SWT1: variants seen among roughly 807,000 people sequenced by gnomAD.
SWT1 encodes transcriptional protein SWT1.
Under a neutral mutation model 107.3 loss-of-function variants are expected in SWT1, and 33 were observed. The observed-to-expected ratio is 0.31, with a 90% CI of 0.23 to 0.41. The LOEUF (loss-of-function observed/expected upper bound fraction) is 0.41, where lower values mean the gene tolerates loss of function less well. SWT1 is among the 10% of genes least tolerant of loss of function. SWT1 has a pLI of 1.00. For synonymous variants in SWT1, 345 were observed against 348.3 expected, an observed-to-expected ratio of 0.99 and a Z score of 0.11; for missense variants, 898 against 1,028.9, an observed-to-expected ratio of 0.87 and a Z score of 1.74.
intron 16 of SWT1, among the ~76,000 whole-genome samples, chr1:185,236,450 C>G (rs1040900088): frequency 1.3e-5 from 2 of 152,010 alleles, no homozygotes; most frequent in Non-Finnish European, 1.5e-5. Context: ...ACAAACCTGA[C>G]AAAAACAAGC....
intron 12 of SWT1, 144 bp downstream of exon 12, chr1:185,205,007 G>A (rs1658216786): frequency 1.9e-6 from 1 of 529,254 alleles, no homozygotes; most frequent in Admixed American, 4.2e-5. Flanking sequence ...TTTTGAAATA[G>A]TTTTTTGACA....
chr1:185,187,910 C>A (rs1656634970), intron 9 of SWT1, among the ~76,000 whole-genome samples: 1 of 152,166 alleles, frequency 6.6e-6, no homozygotes, highest in Non-Finnish European at 1.5e-5. Flanking sequence ...TCAGGCTGGT[C>A]TCGATCTCCT....
chr1:185,275,219 G>T (rs1308686886), intron 17 of SWT1, among the ~76,000 whole-genome samples: 1 of 151,952 alleles, frequency 6.6e-6, no homozygotes, highest in Admixed American at 6.6e-5. Context: ...GCAGTGTGTT[G>T]ACATTTGGTG....
intron 10 of SWT1, among the ~76,000 whole-genome samples, chr1:185,196,596 A>G (rs943656193): frequency 4.6e-5 from 7 of 152,228 alleles, no homozygotes; most frequent in Non-Finnish European, 2.9e-5. Context: ...TTTTCACAAT[A>G]CTGATTCTTC....
intron 14 of SWT1, among the ~76,000 whole-genome samples, chr1:185,220,238 T>C (rs967290620): frequency 6.7e-6 from 1 of 150,352 alleles, no homozygotes; most frequent in Non-Finnish European, 1.5e-5. Flanking sequence ...CTTTTTCTTT[T>C]CTTTCTTTCT....
At chr1:185,186,138 A>G (rs1043117476) in intron 9 of SWT1, among the ~76,000 whole-genome samples, 1 of 152,198 alleles carries the variant, frequency 6.6e-6, no homozygotes, top group Admixed American at 6.5e-5. Context: ...TTGAGTTAAT[A>G]TATTAAACTA....
intron 15 of SWT1, among the ~76,000 whole-genome samples, chr1:185,229,797 A>G (rs1439482243): frequency 6.6e-6 from 1 of 152,084 alleles, no homozygotes; most frequent in Non-Finnish European, 1.5e-5. Flanking sequence ...TTTTTTTTAA[A>G]TGTAAATATT....
At chr1:185,184,977 G>T in intron 9 of SWT1, 46 bp downstream of exon 9, 1 of 1,287,478 alleles carries the variant, frequency 7.8e-7, no homozygotes, top group Non-Finnish European at 1.0e-6. Context: ...TACTTGTTTG[G>T]GTGCAGACTC....
intron 16 of SWT1, among the ~76,000 whole-genome samples, chr1:185,270,598 A>G (rs992502580): frequency 6.6e-6 from 1 of 152,096 alleles, no homozygotes; most frequent in Admixed American, 6.6e-5. Flanking sequence ...AGACCCAGCT[A>G]CTTGGGAGTC....
At chr1:185,257,474 A>G (rs1226884446) in intron 16 of SWT1, among the ~76,000 whole-genome samples, 1 of 152,086 alleles carries the variant, frequency 6.6e-6, no homozygotes, top group Non-Finnish European at 1.5e-5. Flanking sequence ...TGCGGGATAT[A>G]ATCTCGTGGT....
Position 185,206,639 on chromosome 1 carries a change from A to T in SWT1, c.1848A>T (p.Lys616Asn). The change falls in exon 13 of 19, where the codon AAA becomes AAT. Residue 616 changes from lysine (K) to asparagine (N), a missense_variant. Physicochemically the swap from Lys to Asn is moderately conservative, Grantham distance 94. This residue lies in a region of SWT1 where 382 missense variants were observed against 460.0 expected (regional missense o/e 0.83). Transcript: ENST00000367500. ...GNLWMEILYLKPPWTLLHLLQ... is the reference protein window; with the variant it reads ...GNLWMEILYLNPPWTLLHLLQ... ...ATACTCTTTAGATCCTGTACCTGAA[A>T]CCACCATGGACTCTACTACATTTAC... The T allele has an allele frequency of 6.4e-7, 1 of 1,550,916 alleles. No homozygotes were observed. The highest frequency in any genetic ancestry group is 8.7e-7 in the Non-Finnish European group (1 of 1,152,736).
At chr1:185,165,059 T>C (rs1188822561) in intron 2 of SWT1, among the ~76,000 whole-genome samples, 1 of 152,212 alleles carries the variant, frequency 6.6e-6, no homozygotes, top group East Asian at 1.9e-4. Context: ...GGGTCATTAG[T>C]AGGCTTAATT....
chr1:185,244,669 T>G (rs1661479814), intron 16 of SWT1, among the ~76,000 whole-genome samples: 1 of 152,164 alleles, frequency 6.6e-6, no homozygotes, highest in Non-Finnish European at 1.5e-5. Context: ...TCCACTCAAT[T>G]AAAAAATGTT....
rs117829093 is a variant in SWT1, at chr1:185,193,097, G to A, written c.1523+2455G>A. Among the ~76,000 whole-genome samples, 914 of 152,018 alleles carry A rather than the reference G, an allele frequency of 6.0e-3. 34 individuals are homozygous for A. The East Asian group carries it at 0.096, about 16-fold the overall frequency. ...TTTAATATGTTGTGTTTTCATTTTCGTTCTATTCAATATACTTTATAATTT... is the reference window on the plus strand; with the variant it reads ...TTTAATATGTTGTGTTTTCATTTTCATTCTATTCAATATACTTTATAATTT... On this transcript the variant is annotated intron_variant, in intron 10 of 18. Transcript: ENST00000367500.
chr1:185,252,008 T>C (rs1662072554), intron 16 of SWT1, among the ~76,000 whole-genome samples: 2 of 151,476 alleles, frequency 1.3e-5, no homozygotes, highest in South Asian at 4.2e-4. Context: ...TGTGATCTCA[T>C]TGTTCAATTC....
rs765261437 is a variant in SWT1, at chr1:185,174,861, A to G, written c.714A>G (p.Ile238Met). 7.4e-6 allele frequency: 12 copies of G among 1,614,090 alleles called. No individual in the cohort carries two copies. Among genetic ancestry groups the G allele is most frequent in the Non-Finnish European group, 1.0e-5 (12 of 1,179,994 alleles). The stretch of plus-strand genomic sequence containing the variant: ...AGAAGATCAGTTTCAAAATCCCTAT[A>G]AAATCCCGTGACACCCTCCAGAAAC... The part of the protein sequence containing the change: ...RRQKISFKIP[I>M]KSRDTLQKLV... The change falls in exon 5 of 19, where the codon ATA becomes ATG. Residue 238 changes from isoleucine to methionine, a missense_variant. Transcript: ENST00000367500.
At chr1:185,269,298 C>T (rs528992187) in intron 16 of SWT1, among the ~76,000 whole-genome samples, 40 of 151,094 alleles carry the variant, frequency 2.6e-4, no homozygotes, top group Admixed American at 1.3e-4. Flanking sequence ...TATGTATTAT[C>T]CAAGCAAATT....
At chr1:185,228,624 A>G (rs1006931759) in intron 15 of SWT1, among the ~76,000 whole-genome samples, 2 of 152,202 alleles carry the variant, frequency 1.3e-5, no homozygotes, top group Non-Finnish European at 2.9e-5. Context: ...TCAAGGGAAA[A>G]TGTTGTATTT....
chr1:185,260,034 G>A (rs1223917676), intron 16 of SWT1, among the ~76,000 whole-genome samples: 2 of 152,156 alleles, frequency 1.3e-5, no homozygotes, highest in Non-Finnish European at 1.5e-5. Context: ...CTTTAGAAAT[G>A]CCTTGGAACT....
Sources: allele counts gnomAD v4.1 joint callset (sites outside exome capture counted in the v4.1 genomes callset), GRCh38; gene constraint gnomAD v4.1.1; regional missense constraint gnomAD v4.1.1; transcripts MANE v1.5; gene names NCBI Gene and HGNC (gene_info 2026-07-23, HGNC 2026-07-21).